FANCL: variants seen among roughly 807,000 people sequenced by gnomAD.
FANCL encodes the protein FA complementation group L, also known as E3 ubiquitin-protein ligase FANCL.
Under a neutral mutation model 59.4 loss-of-function variants are expected in FANCL, and 69 were observed. That is an observed-to-expected ratio of 1.16 (90% CI 0.96 to 1.42). FANCL has a LOEUF of 1.42. FANCL is among the 40% of genes most tolerant of loss of function. The probability of loss-of-function intolerance (pLI) is 0.00; values close to 1 mark genes in which losing one functional copy is unlikely to be tolerated. For missense variants in FANCL, 519 were observed against 447.2 expected, an observed-to-expected ratio of 1.16 and a Z score of -1.45; for synonymous variants, 180 against 147.1, an observed-to-expected ratio of 1.22 and a Z score of -1.62.
At chr2:58,168,087 T>C (rs760406786) in intron 7 of FANCL, among the ~76,000 whole-genome samples, 29 of 152,142 alleles carry the variant, frequency 1.9e-4, no homozygotes, top group Non-Finnish European at 3.5e-4. Flanking sequence ...GTTCAGTAAG[T>C]ATTTTGCAGG....
At position 58,229,843 on chromosome 2, in the gene FANCL, G is replaced by A. The variant is rs1693400993; in HGVS notation, c.187C>T (p.Leu63Phe). ...LLCSWQLRTI[L>F]SGYHRIVQQR... ...TGTACTATTCGATGGTATCCACTAA[G>A]TATTGTTCTCAGCTGCCAACTACAT... Residue 63 changes from leucine to phenylalanine, a missense_variant, in exon 3 of 14, where the codon CTT becomes TTT. Physicochemically the swap from Leu to Phe is conservative, Grantham distance 22 (BLOSUM62 0). Coordinates refer to ENST00000233741, the MANE Select transcript of FANCL (RefSeq NM_018062.4). 2.5e-6 allele frequency: 4 copies of A among 1,610,912 alleles called. No homozygotes were observed. The highest frequency in any genetic ancestry group is 2.2e-5 in the South Asian group (2 of 91,024).
At chr2:58,178,318 T>C (rs1342327918) in intron 7 of FANCL, among the ~76,000 whole-genome samples, 3 of 152,034 alleles carry the variant, frequency 2.0e-5, no homozygotes, top group East Asian at 1.9e-4. Flanking sequence ...TGAACATCAG[T>C]GTGAAAATCC....
At chr2:58,187,678 T>C (rs1397787387) in intron 7 of FANCL, among the ~76,000 whole-genome samples, 1 of 152,154 alleles carries the variant, frequency 6.6e-6, no homozygotes, top group Non-Finnish European at 1.5e-5. Flanking sequence ...AAGAGCTAAG[T>C]AAATATATTT....
intron 7 of FANCL, among the ~76,000 whole-genome samples, chr2:58,176,617 AC>A (rs1314530098): frequency 6.6e-6 from 1 of 152,236 alleles, no homozygotes; most frequent in Non-Finnish European, 1.5e-5. Flanking sequence ...TACACCTTAT[AC>A]AAAAATTAAT....
At chr2:58,210,925 C>G (rs949099823) in intron 5 of FANCL, among the ~76,000 whole-genome samples, 2 of 152,168 alleles carry the variant, frequency 1.3e-5, no homozygotes, top group African/African-American at 4.8e-5. Flanking sequence ...GGTATGGCAC[C>G]CCCACCCGGC....
intron 7 of FANCL, among the ~76,000 whole-genome samples, chr2:58,191,362 C>T (rs1025654404): frequency 1.3e-5 from 2 of 151,780 alleles, no homozygotes; most frequent in African/African-American, 2.4e-5. Flanking sequence ...AGGACACCTG[C>T]TATATAAGAA....
intron 5 of FANCL, among the ~76,000 whole-genome samples, chr2:58,208,609 T>C (rs1023556942): frequency 1.3e-5 from 2 of 152,210 alleles, no homozygotes; most frequent in Non-Finnish European, 2.9e-5. Context: ...ATTTAAGTAG[T>C]ATTAACATCA....
At position 58,161,503 on chromosome 2, in the gene FANCL, C is replaced by T; in HGVS notation, c.1020+19G>A. On this transcript the variant is annotated intron_variant, in intron 12 of 13. Coordinates refer to ENST00000233741, the MANE Select transcript of FANCL (RefSeq NM_018062.4). ...TTGTGTTAGCGGAAAAAAGTCTTGA[C>T]AATATTTTTATTTTTTACCTCATAT... is the stretch of plus-strand genomic sequence containing the variant. The T allele has an allele frequency of 6.8e-7, 1 of 1,470,178 alleles. No homozygotes were observed. The highest frequency in any genetic ancestry group is 1.7e-4 in the Middle Eastern group (1 of 5,760). 91.1% of individuals were successfully genotyped at this position (1,470,178 alleles called of 1,614,324 possible).
At position 58,204,218 on chromosome 2, in the gene FANCL, T is replaced by C; in HGVS notation, c.383A>G (p.Tyr128Cys). 2 of 1,612,746 alleles carry C rather than the reference T, an allele frequency of 1.2e-6. No individual in the cohort carries two copies. The highest frequency in any genetic ancestry group is 2.7e-5 in the African/African-American group (2 of 75,004). Residue 128 changes from tyrosine to cysteine, a missense_variant, in exon 6 of 14, where the codon TAT becomes TGT. Transcript: ENST00000233741. ...GATGGTACTGAAGCAGGTATCCGCA[T>C]ACACAAGTCTGGTGAGCAGAGGAGA... ...IGTLGWDKLV[Y>C]ADTCFSTIKL...
chr2:58,188,750 C>T, intron 7 of FANCL, among the ~76,000 whole-genome samples: 1 of 148,198 alleles, frequency 6.7e-6, no homozygotes, highest in Admixed American at 6.8e-5. Context: ...ATAATTTTGT[C>T]AATTTCTTAA....
intron 5 of FANCL, among the ~76,000 whole-genome samples, chr2:58,219,618 T>G (rs751623466): frequency 6.6e-6 from 1 of 152,004 alleles, no homozygotes; most frequent in South Asian, 2.1e-4. Context: ...AGAGATAACA[T>G]GTACCCTTGA....
chr2:58,234,093 GAA>G (rs1248723074), intron 1 of FANCL, among the ~76,000 whole-genome samples: 1 of 151,982 alleles, frequency 6.6e-6, no homozygotes. Context: ...AAACGTCCAT[GAA>G]TACAAAGATA....
intron 7 of FANCL, among the ~76,000 whole-genome samples, chr2:58,178,164 A>G (rs1441473478): frequency 3.3e-5 from 5 of 152,154 alleles, no homozygotes; most frequent in Non-Finnish European, 7.3e-5. Flanking sequence ...CAGAGGTACA[A>G]AGAAGAGCTG....
At chr2:58,176,900 C>G (rs922844566) in intron 7 of FANCL, among the ~76,000 whole-genome samples, 1 of 152,032 alleles carries the variant, frequency 6.6e-6, no homozygotes, top group African/African-American at 2.4e-5. Flanking sequence ...GGGCTAATAT[C>G]CAGAATCTAC....
chr2:58,229,279 A>AT (rs765872787), intron 3 of FANCL, among the ~76,000 whole-genome samples: 63 of 151,772 alleles, frequency 4.2e-4, no homozygotes, highest in East Asian at 3.9e-3. Flanking sequence ...TCAGTAACTG[A>AT]TTTTTTTTTC....
intron 3 of FANCL, among the ~76,000 whole-genome samples, chr2:58,228,400 CT>C (rs1558821429): frequency 6.6e-6 from 1 of 152,174 alleles, no homozygotes; most frequent in East Asian, 1.9e-4. Flanking sequence ...TTGACTATCC[CT>C]TCTTCTACAT....
In FANCL at chr2:58,165,736, T is replaced by C. The variant is rs778068203; in HGVS notation, c.679A>G (p.Arg227Gly). Residue 227 changes from arginine to glycine, a missense_variant, in exon 8 of 14, where the codon AGA becomes GGA. Arg to Gly is a moderately radical substitution (Grantham distance 125). Transcript: ENST00000233741. ...EKPPRSATAR[R>G]IALGNNVSIN... ...TCCTTGTCCCTACCTAATGCAATTCTGCGTGCTGTTGCACTCCGTGGAGGT... is the reference window on the plus strand; with the variant it reads ...TCCTTGTCCCTACCTAATGCAATTCCGCGTGCTGTTGCACTCCGTGGAGGT... 11 of 1,614,026 alleles carry C rather than the reference T, an allele frequency of 6.8e-6. No homozygotes were observed. Among genetic ancestry groups the C allele is most frequent in the Non-Finnish European group, 9.3e-6 (11 of 1,179,982 alleles).
chr2:58,200,132 CT>C (rs1689851444), intron 6 of FANCL, among the ~76,000 whole-genome samples: 1 of 151,070 alleles, frequency 6.6e-6, no homozygotes, highest in African/African-American at 2.4e-5. Context: ...AAATATCATG[CT>C]GAAATTAAAA....
intron 7 of FANCL, among the ~76,000 whole-genome samples, chr2:58,198,046 CGTGT>C (rs1009109892): frequency 2.3e-5 from 3 of 129,476 alleles, no homozygotes; most frequent in Admixed American, 7.6e-5. Flanking sequence ...TGTGTGTGTG[CGTGT>C]GTGTGTGTGT....
Sources: allele counts gnomAD v4.1 joint callset (sites outside exome capture counted in the v4.1 genomes callset), GRCh38; gene constraint gnomAD v4.1.1; transcripts MANE v1.5; gene names NCBI Gene and HGNC (gene_info 2026-07-23, HGNC 2026-07-21).